FCHSD2: variants seen among roughly 807,000 people sequenced by gnomAD.
FCHSD2 encodes the protein FCH and double SH3 domains 2, also known as F-BAR and double SH3 domains protein 2.
FCHSD2 carries 38 observed loss-of-function variants against 108.1 expected under a neutral mutation model. The observed-to-expected ratio is 0.35, with a 90% CI of 0.27 to 0.46. FCHSD2 has a LOEUF of 0.46. FCHSD2 is among the 20% of genes least tolerant of loss of function. The pLI, the probability that FCHSD2 is intolerant of heterozygous loss-of-function variation, is 1.00. For synonymous variants in FCHSD2, 279 were observed against 314.7 expected (o/e 0.89, Z 1.20); for missense variants, 751 against 897.8 (o/e 0.84, Z 2.09).
At chr11:73,003,519 C>T (rs1857669639) in intron 4 of FCHSD2, among the ~76,000 whole-genome samples, 1 of 145,088 alleles carries the variant, frequency 6.9e-6, no homozygotes, top group South Asian at 2.2e-4. Flanking sequence ...CGGAGTCTTG[C>T]TCTGTCGCCC....
rs190907527 is a variant in FCHSD2 at position 72,899,434 on chromosome 11, G to A, written c.924+3109C>T. 3.8e-3 allele frequency among the ~76,000 whole-genome samples: 575 copies of A among 152,110 alleles called. 15 individuals carry two copies. Among genetic ancestry groups the A allele is most frequent in the Non-Finnish European group, 8.8e-4 (60 of 67,994 alleles). ...TTAGGGAAATGCAAACCAGAACCAC[G>A]AGATACTATTTCATATCCACTAGGA... On this transcript the variant is annotated intron_variant, in intron 10 of 19. Transcript: ENST00000409418.
chr11:72,915,281 C>G (rs1855849376), intron 9 of FCHSD2, among the ~76,000 whole-genome samples: 1 of 152,146 alleles, frequency 6.6e-6, no homozygotes, highest in Non-Finnish European at 1.5e-5. Flanking sequence ...AAAAGGAACA[C>G]TTTTACACTG....
At position 73,103,955 on chromosome 11, in the gene FCHSD2, T is replaced by C. The variant is rs1042931997; in HGVS notation, c.120-20215A>G. Among the ~76,000 whole-genome samples, 6 of 152,210 alleles carry C rather than the reference T, an allele frequency of 3.9e-5. No individual in the cohort carries two copies. In the South Asian group the frequency reaches 1.2e-3, roughly 31 times the overall value. ...TTCTTTTGCAATGTCTGAAACAAGGTGCCTAACGTCCTAATAAATATGCCT... is the reference window on the plus strand; with the variant it reads ...TTCTTTTGCAATGTCTGAAACAAGGCGCCTAACGTCCTAATAAATATGCCT... On this transcript the variant is annotated intron_variant, in intron 2 of 19. Transcript: ENST00000409418.
intron 2 of FCHSD2, among the ~76,000 whole-genome samples, chr11:73,093,052 C>A (rs956305262): frequency 1.3e-5 from 2 of 152,150 alleles, no homozygotes; most frequent in African/African-American, 4.8e-5. Context: ...CTAAGGCCAG[C>A]CGCATGAGTA....
At chr11:73,137,857 G>T (rs1861160072) in intron 2 of FCHSD2, among the ~76,000 whole-genome samples, 2 of 152,210 alleles carry the variant, frequency 1.3e-5, no homozygotes, top group South Asian at 4.1e-4. Flanking sequence ...AACTAAGCCA[G>T]GAAAGGAAGC....
At chr11:72,847,439 G>A (rs943655097) in intron 14 of FCHSD2, among the ~76,000 whole-genome samples, 1 of 152,174 alleles carries the variant, frequency 6.6e-6, no homozygotes, top group African/African-American at 2.4e-5. Context: ...TGTCCTAGGG[G>A]CTGAAGACAC....
At chr11:72,841,675 T>G in intron 17 of FCHSD2, 92 bp from the exon 18 acceptor site, 12 of 1,313,020 alleles carry the variant, frequency 9.1e-6, no homozygotes, top group Non-Finnish European at 1.1e-5. Flanking sequence ...ATGCCTTTTC[T>G]CTAAAGCTAA....
At chr11:72,922,809 C>T (rs904076955) in intron 8 of FCHSD2, among the ~76,000 whole-genome samples, 2 of 151,990 alleles carry the variant, frequency 1.3e-5, no homozygotes, top group African/African-American at 4.8e-5. Flanking sequence ...TATAAGTCAC[C>T]ATTTTAATAA....
intron 14 of FCHSD2, among the ~76,000 whole-genome samples, chr11:72,846,725 T>C (rs1861155089): frequency 6.6e-6 from 1 of 152,216 alleles, no homozygotes; most frequent in Non-Finnish European, 1.5e-5. Flanking sequence ...TCTCTCCAAA[T>C]TTCCTGTATT....
chr11:72,961,216 T>C (rs910829203), intron 8 of FCHSD2, among the ~76,000 whole-genome samples: 2 of 152,140 alleles, frequency 1.3e-5, no homozygotes, highest in African/African-American at 2.4e-5. Flanking sequence ...TTGAATTGTA[T>C]TTCTCTGTAT....
chr11:72,954,031 C>CATAATCTG (rs1166510108), intron 8 of FCHSD2, among the ~76,000 whole-genome samples: 3 of 152,000 alleles, frequency 2.0e-5, no homozygotes, highest in African/African-American at 7.3e-5. Flanking sequence ...AAAGAAATGA[C>CATAATCTG]ATAATCTGAC....
At chr11:72,959,436 C>T (rs1474637899) in intron 8 of FCHSD2, among the ~76,000 whole-genome samples, 2 of 146,182 alleles carry the variant, frequency 1.4e-5, no homozygotes, top group South Asian at 4.4e-4. Flanking sequence ...GGGGTTTCAC[C>T]GTGTTAGCCA....
intron 12 of FCHSD2, among the ~76,000 whole-genome samples, chr11:72,868,327 GAAC>G (rs990353743): frequency 1.3e-5 from 2 of 152,096 alleles, no homozygotes; most frequent in Non-Finnish European, 2.9e-5. Context: ...GAGTGGGGGA[GAAC>G]AACACACACT....
At chr11:73,100,680 A>G (rs1287960800) in intron 2 of FCHSD2, among the ~76,000 whole-genome samples, 3 of 151,984 alleles carry the variant, frequency 2.0e-5, no homozygotes, top group Non-Finnish European at 4.4e-5. Flanking sequence ...ATTTTATCTA[A>G]TCTTCCTATG....
At chr11:72,944,106 T>C (rs1856473263) in intron 8 of FCHSD2, among the ~76,000 whole-genome samples, 1 of 152,148 alleles carries the variant, frequency 6.6e-6, no homozygotes, top group Non-Finnish European at 1.5e-5. Context: ...AAAAAGAGAA[T>C]TTTAAAACAA....
chr11:72,865,389 C>A (rs1330025417), intron 13 of FCHSD2, among the ~76,000 whole-genome samples: 2 of 152,114 alleles, frequency 1.3e-5, no homozygotes, highest in Non-Finnish European at 2.9e-5. Flanking sequence ...AAAATGTAAT[C>A]TCTCAGTTGA....
At chr11:72,918,470 C>G (rs1166221350) in intron 9 of FCHSD2, among the ~76,000 whole-genome samples, 1 of 152,106 alleles carries the variant, frequency 6.6e-6, no homozygotes, top group Non-Finnish European at 1.5e-5. Flanking sequence ...CTGATGTTAG[C>G]AGAGGAAGAT....
intron 8 of FCHSD2, among the ~76,000 whole-genome samples, chr11:72,941,337 C>T (rs893345854): frequency 6.6e-6 from 1 of 151,578 alleles, no homozygotes; most frequent in African/African-American, 2.4e-5. Flanking sequence ...GTCACTGAAT[C>T]CCACACGTTC....
intron 2 of FCHSD2, among the ~76,000 whole-genome samples, chr11:73,096,986 G>GTTTTTTTTTTTTTTTT (rs1400831147): frequency 5.1e-5 from 1 of 19,474 alleles, no homozygotes; most frequent in African/African-American, 2.8e-4. Context: ...TTCATTGATG[G>GTTTTTTTTTTTTTTTT]ATTTTTTTTT....
Sources: gnomAD v4.1 joint callset for allele counts (sites outside exome capture counted in the v4.1 genomes callset) on GRCh38, gnomAD v4.1.1 for gene constraint, MANE v1.5 for transcripts, NCBI Gene and HGNC (gene_info 2026-07-23, HGNC 2026-07-21) for gene names.